Variants in DSCAM observed in about 807,000 individuals in gnomAD.
The protein encoded by DSCAM is cell adhesion molecule DSCAM.
A neutral mutation model predicts 217.7 loss-of-function variants in DSCAM; 47 were observed. That is an observed-to-expected ratio of 0.22 (90% CI 0.17 to 0.28). The LOEUF (loss-of-function observed/expected upper bound fraction) is 0.28. Ranked by LOEUF, DSCAM falls within the 10% of genes least tolerant of loss-of-function variation. The probability of loss-of-function intolerance (pLI) is 1.00; values close to 1 mark genes in which losing one functional copy is unlikely to be tolerated. For missense variants in DSCAM, 2,080 were observed against 2,618.3 expected (o/e 0.79, Z 4.49); for synonymous variants, 1,056 against 1,015.3 (o/e 1.04, Z -0.76).
At chr21:40,813,819 G>T (rs748084300) in intron 1 of DSCAM, among the ~76,000 whole-genome samples, 1 of 151,806 alleles carries the variant, frequency 6.6e-6, no homozygotes, top group African/African-American at 2.4e-5. Context: ...GCTAATTTTT[G>T]TATTTTTAGT....
intron 3 of DSCAM, among the ~76,000 whole-genome samples, chr21:40,633,396 C>G (rs1173998180): frequency 2.0e-5 from 3 of 152,200 alleles, no homozygotes; most frequent in Non-Finnish European, 2.9e-5. Flanking sequence ...ACCCACAGCT[C>G]AGATAAAACA....
chr21:40,565,722 C>A (rs73902682), intron 3 of DSCAM, among the ~76,000 whole-genome samples: 4,084 of 152,232 alleles, frequency 0.027, 160 homozygotes, highest in African/African-American at 0.093. Flanking sequence ...CCACATGCAT[C>A]CTTAACATCA....
At chr21:40,323,451 A>G (rs904817187) in intron 8 of DSCAM, among the ~76,000 whole-genome samples, 2 of 152,190 alleles carry the variant, frequency 1.3e-5, no homozygotes, top group South Asian at 2.1e-4. Flanking sequence ...TTCTCTTTCA[A>G]ATATACCCCT....
Position 40,797,946 on chromosome 21 carries a change from C to CA in DSCAM, c.43+48672dup, listed in dbSNP as rs928928986. Among the ~76,000 whole-genome samples, 1,038 of 133,130 alleles carry CA rather than the reference C, an allele frequency of 7.8e-3. 16 individuals are homozygous for CA. Among genetic ancestry groups the CA allele is most frequent in the African/African-American group, 0.025 (902 of 36,470 alleles). 87.3% of individuals were successfully genotyped at this position (133,130 alleles called of 152,430 possible). On this transcript the variant is annotated intron_variant, in intron 1 of 32. Transcript: ENST00000400454. ...AAGAATTTTATCTTGTCATCTGGGA[C>CA]AAAAAAAAAAAGATCCTTCATTAGA...
Position 40,592,200 on chromosome 21 carries a change from T to C in DSCAM, c.508+100610A>G, listed in dbSNP as rs551718219. On this transcript the variant is annotated intron_variant, in intron 3 of 32. Coordinates refer to ENST00000400454, the MANE Select transcript of DSCAM (RefSeq NM_001389.5). ...TTGCATATATAAAATGTTAAATTTT[T>C]CAGGTGAGAAATTACTCTGATAATG... Among the ~76,000 whole-genome samples, 4 of 152,316 alleles carry C rather than the reference T, an allele frequency of 2.6e-5. No homozygotes were observed. In the East Asian group the frequency reaches 7.7e-4, roughly 29 times the overall value.
intron 3 of DSCAM, among the ~76,000 whole-genome samples, chr21:40,557,262 C>G (rs1235806121): frequency 1.3e-5 from 2 of 152,106 alleles, no homozygotes; most frequent in East Asian, 1.9e-4. Context: ...GATTAATGCC[C>G]TCCCTCAGGT....
chr21:40,837,150 G>A (rs910239737), intron 1 of DSCAM, among the ~76,000 whole-genome samples: 1 of 152,228 alleles, frequency 6.6e-6, no homozygotes, highest in South Asian at 2.1e-4. Context: ...TGGAGGGGAT[G>A]TGTGGCTATG....
rs1167157977 is a variant in DSCAM at position 40,637,130 on chromosome 21, A to AATAT, written c.508+55676_508+55679dup. Among the ~76,000 whole-genome samples, 3 of 53,412 alleles carry AATAT rather than the reference A, an allele frequency of 5.6e-5. 1 individual carries two copies. Among genetic ancestry groups the AATAT allele is most frequent in the African/African-American group, 2.3e-4 (3 of 12,812 alleles). The allele number at this position is 53,412 out of a possible 152,430, so 35.0% of individuals were successfully genotyped here. A position where few individuals can be genotyped will look rare whatever the true frequency, so the allele number is the denominator to read the frequency against. On this transcript the variant is annotated intron_variant, in intron 3 of 32. Coordinates refer to ENST00000400454, the MANE Select transcript of DSCAM (RefSeq NM_001389.5). The stretch of plus-strand genomic sequence containing the variant: ...ATTCATATATATATATATATATATA[A>AATAT]ATATATAAATATATATATAAATATA...
intron 10 of DSCAM, among the ~76,000 whole-genome samples, chr21:40,288,863 G>A (rs1421003496): frequency 6.6e-6 from 1 of 152,114 alleles, no homozygotes; most frequent in African/African-American, 2.4e-5. Context: ...GGATGCTGTG[G>A]TTCATATGGG....
intron 6 of DSCAM, 107 bp downstream of exon 6, chr21:40,347,563 G>A: frequency 2.1e-6 from 3 of 1,440,978 alleles, no homozygotes; most frequent in South Asian, 1.4e-5. Flanking sequence ...GTGAGACAGA[G>A]AGCCTAGAAC....
chr21:40,621,203 T>C (rs1276112717), intron 3 of DSCAM: 1 of 152,158 alleles, frequency 6.6e-6, no homozygotes, highest in African/African-American at 2.4e-5. Flanking sequence ...ATAAATTTTA[T>C]TACATGTAAA....
chr21:40,741,980 T>G (rs1262050377), intron 1 of DSCAM, among the ~76,000 whole-genome samples: 1 of 151,752 alleles, frequency 6.6e-6, no homozygotes, highest in Non-Finnish European at 1.5e-5. Context: ...ATTTCTAGAG[T>G]TTTTAGTCTG....
At chr21:40,268,666 C>T (rs1011702215) in intron 11 of DSCAM, among the ~76,000 whole-genome samples, 3 of 152,108 alleles carry the variant, frequency 2.0e-5, no homozygotes, top group Non-Finnish European at 2.9e-5. Context: ...AGTAATTTTT[C>T]GAAAGGCTGT....
intron 3 of DSCAM, among the ~76,000 whole-genome samples, chr21:40,424,768 T>C (rs189732114): frequency 6.6e-6 from 1 of 152,310 alleles, no homozygotes; most frequent in Admixed American, 6.5e-5. Flanking sequence ...TTATCTTTAA[T>C]CTAAATAAGC....
chr21:40,300,357 A>G (rs1483421376), intron 9 of DSCAM, among the ~76,000 whole-genome samples: 1 of 152,118 alleles, frequency 6.6e-6, no homozygotes, highest in Non-Finnish European at 1.5e-5. Flanking sequence ...GGTGCTGATG[A>G]TTATTTCTTG....
At chr21:40,750,669 TG>T (rs543441667) in intron 1 of DSCAM, among the ~76,000 whole-genome samples, 11 of 151,914 alleles carry the variant, frequency 7.2e-5, no homozygotes, top group African/African-American at 1.9e-4. Context: ...ATGTTGAATT[TG>T]CATCAGAAAC....
intron 1 of DSCAM, among the ~76,000 whole-genome samples, chr21:40,718,788 A>G (rs2090870742): frequency 6.6e-6 from 1 of 152,248 alleles, no homozygotes; most frequent in South Asian, 2.1e-4. Flanking sequence ...CCCAAAATAC[A>G]TAATGAACTC....
At chr21:40,189,500 C>T (rs1162077110) in intron 11 of DSCAM, among the ~76,000 whole-genome samples, 1 of 152,168 alleles carries the variant, frequency 6.6e-6, no homozygotes, top group Non-Finnish European at 1.5e-5. Context: ...AGGGCTATGG[C>T]CTATGTCCCT....
intron 1 of DSCAM, among the ~76,000 whole-genome samples, chr21:40,808,894 T>C (rs1439017385): frequency 2.0e-5 from 3 of 152,192 alleles, no homozygotes; most frequent in African/African-American, 7.2e-5. Flanking sequence ...CTCTGCTTTG[T>C]TAGGTGACAT....
Sources: allele counts gnomAD v4.1 joint callset (sites outside exome capture counted in the v4.1 genomes callset), GRCh38; gene constraint gnomAD v4.1.1; transcripts MANE v1.5; gene names NCBI Gene and HGNC (gene_info 2026-07-23, HGNC 2026-07-21).